CEP89: variants seen among roughly 807,000 people sequenced by gnomAD.
CEP89 encodes the protein centrosomal protein of 89 kDa.
A neutral mutation model predicts 97.6 loss-of-function variants in CEP89; 95 were observed. That is an observed-to-expected ratio of 0.97 (90% CI 0.82 to 1.15). CEP89 has a LOEUF of 1.15. CEP89 is among the 50% of genes most tolerant of loss of function. The pLI, the probability that CEP89 is intolerant of heterozygous loss-of-function variation, is 0.00. For missense variants in CEP89, 869 were observed against 947.7 expected, an observed-to-expected ratio of 0.92 and a Z score of 1.09; for synonymous variants, 354 against 349.1, an observed-to-expected ratio of 1.01 and a Z score of -0.16.
chr19:32,930,789 T>C (rs1349204829), intron 9 of CEP89, among the ~76,000 whole-genome samples: 2 of 152,214 alleles, frequency 1.3e-5, no homozygotes, highest in African/African-American at 4.8e-5. Flanking sequence ...AACTCTGCTT[T>C]CCTTTCGAAG....
intron 16 of CEP89, among the ~76,000 whole-genome samples, chr19:32,894,122 TTCAAGGTTAGCCTG>T (rs1381146201): frequency 2.0e-5 from 3 of 152,172 alleles, no homozygotes; most frequent in Non-Finnish European, 4.4e-5. Flanking sequence ...AATCCAGATG[TTCAAGGTTAGCCTG>T]GGCAACATAG....
intron 14 of CEP89, among the ~76,000 whole-genome samples, chr19:32,902,008 C>CTGTG (rs1265424963): frequency 1.0e-4 from 10 of 99,602 alleles, no homozygotes; most frequent in African/African-American, 4.7e-4. Flanking sequence ...CTCTCTCTCT[C>CTGTG]TCTGTGTGTG....
chr19:32,881,907 C>T lies in CEP89; in HGVS notation c.2072G>A (p.Arg691Gln), dbSNP rs768641193. The change falls in exon 18 of 19, where the codon CGG (arginine) becomes CAG (glutamine). Residue 691 changes from arginine (R) to glutamine (Q), a missense_variant. Arg to Gln is a conservative substitution (Grantham distance 43). Transcript: ENST00000305768. ...GKTAQYRQEM[R>Q]HLHQVLKDKQ... is the part of the protein sequence containing the mutation. ...GTCCTTCAGCACCTGGTGCAGGTGC[C>T]GCATCTCCTGCCGGTACTGGGCTGT... 16 of 1,605,940 alleles carry T rather than the reference C, an allele frequency of 1.0e-5. No individual in the cohort carries two copies. The highest frequency in any genetic ancestry group is 6.7e-5 in the Admixed American group (4 of 59,502).
intron 16 of CEP89, among the ~76,000 whole-genome samples, chr19:32,899,217 A>G (rs1234942336): frequency 1.3e-5 from 2 of 150,882 alleles, no homozygotes; most frequent in African/African-American, 4.9e-5. Context: ...TGCAGCCTTC[A>G]ACTCCCACAC....
chr19:32,897,128 A>G (rs1171939526), intron 16 of CEP89, among the ~76,000 whole-genome samples: 1 of 152,218 alleles, frequency 6.6e-6, no homozygotes, highest in Admixed American at 6.5e-5. Flanking sequence ...GTAGATTCCA[A>G]AGAACAGAAG....
chr19:32,912,430 C>A (rs1473790749), intron 14 of CEP89, among the ~76,000 whole-genome samples: 23 of 152,038 alleles, frequency 1.5e-4, no homozygotes, highest in Admixed American at 1.5e-3. Context: ...AGATCAAAAA[C>A]AGGTTTCTCA....
intron 11 of CEP89, among the ~76,000 whole-genome samples, chr19:32,925,172 C>G (rs867966029): frequency 3.9e-5 from 6 of 152,084 alleles, no homozygotes. Context: ...ACATTTCTTT[C>G]GCTGGATCCT....
chr19:32,891,373 A>ACACC (rs1491175770), intron 16 of CEP89, among the ~76,000 whole-genome samples: 3 of 151,344 alleles, frequency 2.0e-5, no homozygotes, highest in Non-Finnish European at 4.4e-5. Context: ...ACACACACAC[A>ACACC]TACACCAATA....
chr19:32,910,215 C>T (rs544485471), intron 14 of CEP89, among the ~76,000 whole-genome samples: 14 of 151,276 alleles, frequency 9.3e-5, no homozygotes, highest in African/African-American at 3.1e-4. Context: ...GAGCTGAGAT[C>T]GTGCCACTGC....
intron 5 of CEP89, among the ~76,000 whole-genome samples, chr19:32,944,336 T>C (rs936106018): frequency 4.6e-5 from 7 of 151,404 alleles, no homozygotes; most frequent in African/African-American, 1.7e-4. Context: ...CAACGAATGA[T>C]AGCAAACTGG....
At chr19:32,964,837 T>C (rs1035064406) in intron 2 of CEP89, among the ~76,000 whole-genome samples, 4 of 152,144 alleles carry the variant, frequency 2.6e-5, no homozygotes, top group Non-Finnish European at 5.9e-5. Context: ...GTCAGAATGA[T>C]AGATATATTT....
chr19:32,901,451 A>G (rs1969769053), intron 14 of CEP89, 39 bp from the exon 15 acceptor site: 4 of 1,589,928 alleles, frequency 2.5e-6, no homozygotes, highest in Admixed American at 1.8e-5. Context: ...ATCCAGCACA[A>G]TGAAGCTAAA....
chr19:32,933,211 G>A (rs1970511914), intron 8 of CEP89, among the ~76,000 whole-genome samples: 1 of 152,028 alleles, frequency 6.6e-6, no homozygotes, highest in Non-Finnish European at 1.5e-5. Context: ...AAGAAGTATT[G>A]GAATCTCTGT....
At chr19:32,927,916 T>C (rs1213264081) in intron 9 of CEP89, among the ~76,000 whole-genome samples, 1 of 147,826 alleles carries the variant, frequency 6.8e-6, no homozygotes, top group East Asian at 2.0e-4. Context: ...TTTTTTTTTT[T>C]TTCTTTTTTT....
chr19:32,948,354 A>G lies in CEP89; in HGVS notation c.507T>C (p.His169=). 2 of 1,604,396 alleles carry G rather than the reference A, an allele frequency of 1.2e-6. No homozygotes were observed. Among genetic ancestry groups the G allele is most frequent in the Non-Finnish European group, 1.7e-6 (2 of 1,175,124 alleles). The change falls in exon 5 of 19, where the codon CAT becomes CAC. Residue 169 remains histidine (H), a synonymous_variant. Coordinates refer to ENST00000305768, the MANE Select transcript of CEP89 (RefSeq NM_032816.5). The part of the protein sequence containing the change: ...VPHRNQVPLL[H]EVNSEDDENI... The stretch of plus-strand genomic sequence containing the variant: ...TTTCATCGTCTTCACTGTTCACCTC[A>G]TGTAACAATGGCACCTTTTTGTTAT...
intron 15 of CEP89, among the ~76,000 whole-genome samples, chr19:32,900,752 T>C (rs989457767): frequency 1.3e-5 from 2 of 152,242 alleles, no homozygotes; most frequent in African/African-American, 2.4e-5. Context: ...TTAGAAATGT[T>C]GGTTAACATT....
rs769043551 is a variant in CEP89 at position 32,971,882 on chromosome 19, G to C, written c.-8C>G. ...CCGAAATCCCAGGAGCATCCTTGCA[G>C]CGCGAGGAGAATGGACCGGGGCCTG... On this transcript the variant is annotated 5_prime_UTR_variant, in exon 1 of 19. Coordinates refer to ENST00000305768, the MANE Select transcript of CEP89 (RefSeq NM_032816.5). The C allele has an allele frequency of 2.5e-6, 4 of 1,586,696 alleles. No individual in the cohort carries two copies. Among genetic ancestry groups the C allele is most frequent in the Non-Finnish European group, 2.6e-6 (3 of 1,165,184 alleles).
chr19:32,918,141 G>A (rs1970167348), intron 13 of CEP89, 83 bp downstream of exon 13: 4 of 1,147,360 alleles, frequency 3.5e-6, no homozygotes, highest in African/African-American at 3.1e-5. Flanking sequence ...TTTCAACTGG[G>A]GCCCCCGGCA....
At chr19:32,941,803 T>C (rs6510306) in intron 5 of CEP89, among the ~76,000 whole-genome samples, 54,067 of 152,020 alleles carry the variant, frequency 0.36, 9,845 homozygotes, top group Admixed American at 0.48. Flanking sequence ...GCAATCTGCA[T>C]CTCCTCCTCT....
Sources: gnomAD v4.1 joint callset for allele counts (sites outside exome capture counted in the v4.1 genomes callset) on GRCh38, gnomAD v4.1.1 for gene constraint, MANE v1.5 for transcripts, NCBI Gene and HGNC (gene_info 2026-07-23, HGNC 2026-07-21) for gene names.